GABRG3: variants seen among roughly 807,000 people sequenced by gnomAD.
GABRG3 encodes gamma-aminobutyric acid receptor subunit gamma-3.
In GABRG3, 25 loss-of-function variants were observed where a neutral mutation model predicts 48.8. The observed-to-expected ratio is 0.51, with a 90% CI of 0.37 to 0.72. The LOEUF is 0.72. GABRG3 is among the 30% of genes least tolerant of loss of function. The pLI is 0.00. For synonymous variants in GABRG3, 227 were observed against 217.6 expected (o/e 1.04, Z -0.38); for missense variants, 394 against 577.9 (o/e 0.68, Z 3.26).
At chr15:27,531,135 C>G (rs1473672884) in intron 9 of GABRG3, among the ~76,000 whole-genome samples, 1 of 152,064 alleles carries the variant, frequency 6.6e-6, no homozygotes, top group Non-Finnish European at 1.5e-5. Context: ...GGTGGGCAGC[C>G]GCACCGTGAG....
At chr15:27,004,569 C>G (rs976733063) in intron 2 of GABRG3, among the ~76,000 whole-genome samples, 2 of 152,208 alleles carry the variant, frequency 1.3e-5, no homozygotes, top group African/African-American at 2.4e-5. Flanking sequence ...AGGCTGCAAT[C>G]TTGGCATTTT....
chr15:26,982,211 A>T (rs1895068754), intron 2 of GABRG3, among the ~76,000 whole-genome samples: 1 of 152,222 alleles, frequency 6.6e-6, no homozygotes, highest in African/African-American at 2.4e-5. Flanking sequence ...ATGCTTTAGA[A>T]TATGTTACTA....
At chr15:27,162,722 G>T (rs1887237332) in intron 3 of GABRG3, among the ~76,000 whole-genome samples, 1 of 152,060 alleles carries the variant, frequency 6.6e-6, no homozygotes, top group South Asian at 2.1e-4. Context: ...ATCTTCTGAT[G>T]CCCCTAGATA....
At chr15:27,134,929 A>G (rs1014830735) in intron 3 of GABRG3, among the ~76,000 whole-genome samples, 2 of 152,154 alleles carry the variant, frequency 1.3e-5, no homozygotes, top group African/African-American at 2.4e-5. Context: ...TCCATTGACT[A>G]AAAAAATAAG....
intron 5 of GABRG3, among the ~76,000 whole-genome samples, chr15:27,430,275 T>C (rs1239446436): frequency 1.3e-5 from 2 of 152,236 alleles, no homozygotes; most frequent in Non-Finnish European, 2.9e-5. Context: ...AGTTGTAAAA[T>C]ATCTTTACAC....
In GABRG3 at chr15:27,520,229, A is replaced by G. The variant is rs536777524; in HGVS notation, c.865+105A>G. 72 of 1,154,738 alleles carry G rather than the reference A, an allele frequency of 6.2e-5. No homozygotes were observed. The Middle Eastern group carries it at 1.1e-3, about 17-fold the overall frequency. The allele number at this position is 1,154,738 out of a possible 1,614,324, so 71.5% of individuals were successfully genotyped here. A position where few individuals can be genotyped will look rare whatever the true frequency, so the allele number is the denominator to read the frequency against. The stretch of plus-strand genomic sequence containing the variant: ...AGACTATTTAAATGTGAATGATCTC[A>G]TTTGAGGGTGACTTGAACCATGCTT... On this transcript the variant is annotated intron_variant, in intron 7 of 9. Coordinates refer to ENST00000615808, the MANE Select transcript of GABRG3 (RefSeq NM_033223.5).
chr15:27,113,523 C>T (rs1897590615), intron 3 of GABRG3, among the ~76,000 whole-genome samples: 4 of 152,056 alleles, frequency 2.6e-5, no homozygotes, highest in Admixed American at 1.3e-4. Flanking sequence ...GGTCATTGTC[C>T]ATCAGGGCTT....
chr15:27,366,350 T>C (rs1279493754), intron 5 of GABRG3: 1 of 152,180 alleles, frequency 6.6e-6, no homozygotes, highest in Non-Finnish European at 1.5e-5. Context: ...GATAAAGACA[T>C]ATTCCCTAAA....
chr15:27,244,225 G>T (rs1195566627), intron 3 of GABRG3, among the ~76,000 whole-genome samples: 1 of 152,210 alleles, frequency 6.6e-6, no homozygotes, highest in South Asian at 2.1e-4. Flanking sequence ...TGTGGGAGTT[G>T]TGGTTTACAT....
At chr15:27,510,851 T>C (rs978361191) in intron 6 of GABRG3, among the ~76,000 whole-genome samples, 2 of 152,240 alleles carry the variant, frequency 1.3e-5, no homozygotes. Flanking sequence ...TAAAAACTGA[T>C]TGTAATAAAA....
chr15:27,056,899 C>T (rs1177692872), intron 3 of GABRG3, among the ~76,000 whole-genome samples: 1 of 152,190 alleles, frequency 6.6e-6, no homozygotes, highest in African/African-American at 2.4e-5. Flanking sequence ...ACCTTCTCAT[C>T]ATCTAGTTCC....
intron 2 of GABRG3, among the ~76,000 whole-genome samples, chr15:27,005,325 C>G (rs146764606): frequency 6.6e-6 from 1 of 152,002 alleles, no homozygotes; most frequent in Non-Finnish European, 1.5e-5. Flanking sequence ...CTCAGCCTCC[C>G]GAGTAGCTGG....
intron 3 of GABRG3, among the ~76,000 whole-genome samples, chr15:27,219,619 C>T (rs1449343117): frequency 6.6e-6 from 1 of 152,176 alleles, no homozygotes; most frequent in South Asian, 2.1e-4. Flanking sequence ...TGCCCAGCAC[C>T]TCTGTGCCCA....
intron 3 of GABRG3, among the ~76,000 whole-genome samples, chr15:27,235,300 AT>A (rs1450815599): frequency 1.3e-5 from 2 of 150,656 alleles, no homozygotes; most frequent in Non-Finnish European, 2.9e-5. Context: ...AGAGACAGGA[AT>A]TTAGAGGTCA....
Position 27,366,384 on chromosome 15 carries a change from G to A in GABRG3, c.574+37496G>A, listed in dbSNP as rs142033366. The stretch of plus-strand genomic sequence containing the variant: ...AAGCTCTTGGGTGAAAATAATAAAA[G>A]GAAAAGGAATCCCATTATCTTTGAT... On this transcript the variant is annotated intron_variant, in intron 5 of 9. Transcript: ENST00000615808. The A allele has an allele frequency of 3.3e-5, 5 of 152,218 alleles. No individual in the cohort carries two copies. The East Asian group carries it at 9.7e-4, about 29-fold the overall frequency. The allele number at this position is 152,218 out of a possible 1,614,324, so 9.4% of individuals were successfully genotyped here. A position where few individuals can be genotyped will look rare whatever the true frequency, so the allele number is the denominator to read the frequency against.
At chr15:26,992,039 G>C (rs982203957) in intron 2 of GABRG3, among the ~76,000 whole-genome samples, 4 of 151,994 alleles carry the variant, frequency 2.6e-5, no homozygotes, top group Non-Finnish European at 4.4e-5. Flanking sequence ...TTTTTATATT[G>C]TTCACTTGGC....
At chr15:27,270,068 A>C (rs1891033744) in intron 3 of GABRG3, among the ~76,000 whole-genome samples, 1 of 152,208 alleles carries the variant, frequency 6.6e-6, no homozygotes, top group African/African-American at 2.4e-5. Flanking sequence ...GTCCATTGCA[A>C]AAGGGAAGTC....
intron 3 of GABRG3, among the ~76,000 whole-genome samples, chr15:27,257,583 C>G (rs986094199): frequency 6.6e-6 from 1 of 152,130 alleles, no homozygotes; most frequent in Non-Finnish European, 1.5e-5. Flanking sequence ...TAGTTTTATT[C>G]TTTGCATGGG....
chr15:27,095,389 C>T (rs1439193117), intron 3 of GABRG3, among the ~76,000 whole-genome samples: 1 of 152,140 alleles, frequency 6.6e-6, no homozygotes, highest in Non-Finnish European at 1.5e-5. Context: ...TCAAGACACA[C>T]CCCATATACT....
Sources: allele counts gnomAD v4.1 joint callset (sites outside exome capture counted in the v4.1 genomes callset), GRCh38; gene constraint gnomAD v4.1.1; transcripts MANE v1.5; gene names NCBI Gene and HGNC (gene_info 2026-07-23, HGNC 2026-07-21).